ARSF: variants seen among roughly 807,000 people sequenced by gnomAD.
ARSF encodes arylsulfatase F.
In ARSF, 33 loss-of-function variants were observed where a neutral mutation model predicts 35.4. The ratio of observed to expected loss-of-function variants is 0.93; its 90% CI spans 0.71 to 1.25. ARSF has a LOEUF of 1.25. Ranked by LOEUF, ARSF falls within the 50% of genes most tolerant of loss-of-function variation. The probability of loss-of-function intolerance (pLI) is 0.00; values close to 1 mark genes in which losing one functional copy is unlikely to be tolerated. For missense variants in ARSF, 501 were observed against 480.2 expected (o/e 1.04, Z -0.40); for synonymous variants, 222 against 193.1 (o/e 1.15, Z -1.24).
chrX:3,056,345 G>A (rs978436444), intron 1 of ARSF, among the ~76,000 whole-genome samples: 31 of 105,165 alleles, frequency 2.9e-4, no homozygotes, highest in African/African-American at 1.0e-3. Flanking sequence ...GCGCTATCTC[G>A]GCTCACTGCA....
Position 3,112,457 on chromosome X carries a change from C to A in ARSF, c.1674C>A (p.Gly558=). The A allele has an allele frequency of 8.3e-7, 1 of 1,211,647 alleles. No individual in the cohort carries two copies. Among genetic ancestry groups the A allele is most frequent in the South Asian group, 1.8e-5 (1 of 56,966 alleles). Residue 558 remains glycine, a synonymous_variant, in exon 11 of 11, where the codon GGC becomes GGA. Transcript: ENST00000381127. ...ACCAACTCTCAGAACTGAATCAGGG[C>A]AGGACGTGGCTGAAGCCTTGCTGTG... ...VTYQLSELNQ[G]RTWLKPCCGV...
intron 1 of ARSF, among the ~76,000 whole-genome samples, chrX:3,064,550 C>A (rs1200605944): frequency 5.4e-5 from 6 of 111,288 alleles, no homozygotes. Flanking sequence ...TGCAGTGTAC[C>A]CATCTGACAA....
intron 8 of ARSF, 108 bp downstream of exon 8, chrX:3,101,329 G>A: frequency 1.1e-6 from 1 of 932,827 alleles, no homozygotes; most frequent in East Asian, 3.3e-5. Flanking sequence ...AACTGAACAA[G>A]TTTGTTTAAT....
chrX:3,103,554 A>G (rs1284022874), intron 8 of ARSF, among the ~76,000 whole-genome samples: 1 of 112,073 alleles, frequency 8.9e-6, no homozygotes, highest in African/African-American at 3.2e-5. Context: ...AATATTACAT[A>G]TGCTTAGTTA....
At chrX:3,111,660 A>G (rs765699720) in intron 10 of ARSF, among the ~76,000 whole-genome samples, 11 of 110,595 alleles carry the variant, frequency 9.9e-5, no homozygotes, top group Admixed American at 8.8e-4. Context: ...GGATGATTCA[A>G]ATGCATGACA....
chrX:3,095,519 T>A (rs1479896863), intron 7 of ARSF, among the ~76,000 whole-genome samples: 2 of 109,371 alleles, frequency 1.8e-5, no homozygotes, highest in Non-Finnish European at 3.8e-5. Context: ...ATGCATATTA[T>A]ATATTATGTA....
chrX:3,102,124 A>G (rs1156986255), intron 8 of ARSF, among the ~76,000 whole-genome samples: 1 of 111,207 alleles, frequency 9.0e-6, no homozygotes, highest in Non-Finnish European at 1.9e-5. Context: ...GTTATTATAG[A>G]CATTCTATTT....
chrX:3,102,795 C>T (rs1185751907), intron 8 of ARSF, among the ~76,000 whole-genome samples: 2 of 110,315 alleles, frequency 1.8e-5, no homozygotes, highest in African/African-American at 6.6e-5. Context: ...ACCTGTAGTC[C>T]CAGCTACTCA....
rs372410119 is a variant in ARSF at position 3,084,379 on chromosome X, G to A, written c.543G>A (p.Thr181=). ...DSCWPDPSRN[T]ELAFESQLWL... is the part of the protein sequence containing the mutation. ...GCTGGCCGGACCCCTCTCGTAACAC[G>A]GAATTAGCCTTTGAGAGTCAGCTCT... The change falls in exon 6 of 11, where the codon ACG becomes ACA. Residue 181 remains threonine, a synonymous_variant. Coordinates refer to ENST00000381127, the MANE Select transcript of ARSF (RefSeq NM_001201539.2). 15 of 1,209,801 alleles carry A rather than the reference G, an allele frequency of 1.2e-5. No homozygotes were observed. The highest frequency in any genetic ancestry group is 5.3e-5 in the South Asian group (3 of 56,792).
chrX:3,093,205 C>T (rs2090313171), intron 7 of ARSF, among the ~76,000 whole-genome samples: 1 of 112,161 alleles, frequency 8.9e-6, no homozygotes, highest in Non-Finnish European at 1.9e-5. Flanking sequence ...ACAGCAGTGC[C>T]CTGAAATAAT....
intron 7 of ARSF, among the ~76,000 whole-genome samples, chrX:3,099,118 C>A (rs1206160134): frequency 9.0e-6 from 1 of 111,276 alleles, no homozygotes; most frequent in Non-Finnish European, 1.9e-5. Context: ...GAATAAGATG[C>A]AGATATGATG....
At chrX:3,067,093 C>T (rs1286461585) in intron 1 of ARSF, among the ~76,000 whole-genome samples, 1 of 107,861 alleles carries the variant, frequency 9.3e-6, no homozygotes, top group Non-Finnish European at 1.9e-5. Flanking sequence ...TCTTTCTTCC[C>T]TCCCTCCCTC....
At chrX:3,095,539 A>T (rs941149777) in intron 7 of ARSF, among the ~76,000 whole-genome samples, 1 of 109,323 alleles carries the variant, frequency 9.1e-6, no homozygotes, top group Admixed American at 9.9e-5. Flanking sequence ...ACATGTATAC[A>T]TCAGTACCAT....
At chrX:3,102,799 C>G (rs111999100) in intron 8 of ARSF, among the ~76,000 whole-genome samples, 4,537 of 110,242 alleles carry the variant, frequency 0.041, 243 homozygotes, top group African/African-American at 0.14. Context: ...GTAGTCCCAG[C>G]TACTCAGGAG....
chrX:3,103,781 C>T lies in ARSF; in HGVS notation c.1122C>T (p.Gly374=), dbSNP rs775485113. 3 of 1,211,215 alleles carry T rather than the reference C, an allele frequency of 2.5e-6. No homozygotes were observed. In the African/African-American group the frequency reaches 5.2e-5, roughly 21 times the overall value. The stretch of plus-strand genomic sequence containing the variant: ...TTATAGGTGGAAAAGGCATGGGGGG[C>T]TGGGAAGGTGGAATCCGCGTCCCAG... ...GIYKGGKGMG[G]WEGGIRVPGI... Residue 374 remains glycine (G), a synonymous_variant, in exon 9 of 11, where the codon GGC becomes GGT. Coordinates refer to ENST00000381127, the MANE Select transcript of ARSF (RefSeq NM_001201539.2).
At chrX:3,066,965 T>A (rs192653537) in intron 1 of ARSF, 3 of 108,270 alleles carry the variant, frequency 2.8e-5, no homozygotes, top group South Asian at 4.3e-4. Flanking sequence ...GAAAGATCCA[T>A]TGACCTATTG....
intron 1 of ARSF, among the ~76,000 whole-genome samples, 170 bp downstream of exon 1, chrX:3,041,833 A>C (rs2089957015): frequency 8.9e-6 from 1 of 112,592 alleles, no homozygotes; most frequent in East Asian, 2.8e-4. Context: ...CAAGTCAAAG[A>C]GTACTCATAA....
At chrX:3,094,020 C>G (rs113323672) in intron 7 of ARSF, among the ~76,000 whole-genome samples, 4,095 of 111,501 alleles carry the variant, frequency 0.037, 190 homozygotes, top group African/African-American at 0.13. Context: ...TGACAAAGAC[C>G]TCAATTACTT....
chrX:3,050,812 G>A (rs1366493405), intron 1 of ARSF, among the ~76,000 whole-genome samples: 1 of 110,952 alleles, frequency 9.0e-6, no homozygotes, highest in African/African-American at 3.3e-5. Flanking sequence ...ATGCTCACTT[G>A]AGGCGTTCTT....
Sources: allele counts gnomAD v4.1 joint callset (sites outside exome capture counted in the v4.1 genomes callset), GRCh38; gene constraint gnomAD v4.1.1; transcripts MANE v1.5; gene names NCBI Gene and HGNC (gene_info 2026-07-23, HGNC 2026-07-21).